The following INPP4B variants were observed in gnomAD, a reference collection of about 807,000 sequenced individuals.
INPP4B encodes the protein inositol polyphosphate 4-phosphatase type II.
In INPP4B, 55 loss-of-function variants were observed where a neutral mutation model predicts 122.5. The ratio of observed to expected loss-of-function variants is 0.45; its 90% CI spans 0.36 to 0.56. The LOEUF (loss-of-function observed/expected upper bound fraction) is 0.56, where lower values mean the gene tolerates loss of function less well. Among genes scored for constraint, INPP4B ranks in the 20% least tolerant of loss-of-function variants. The pLI, the probability that INPP4B is intolerant of heterozygous loss-of-function variation, is 0.00. For missense variants in INPP4B, 1,000 were observed against 1,097.7 expected (o/e 0.91, Z 1.26); for synonymous variants, 403 against 388.7 (o/e 1.04, Z -0.43).
chr4:142,593,743 T>G (rs1738061324), intron 2 of INPP4B, among the ~76,000 whole-genome samples: 2 of 152,126 alleles, frequency 1.3e-5, no homozygotes, highest in Admixed American at 6.6e-5. Flanking sequence ...ATTATTATTA[T>G]CGTTGAATTA....
At chr4:142,394,914 T>A (rs1798883109) in intron 7 of INPP4B, among the ~76,000 whole-genome samples, 1 of 152,222 alleles carries the variant, frequency 6.6e-6, no homozygotes, top group Non-Finnish European at 1.5e-5. Flanking sequence ...CCCCCACATT[T>A]TCTTCTAGTT....
At chr4:142,422,032 C>T (rs972424145) in intron 5 of INPP4B, among the ~76,000 whole-genome samples, 12 of 152,072 alleles carry the variant, frequency 7.9e-5, no homozygotes, top group Admixed American at 2.0e-4. Flanking sequence ...CATTCAGCTT[C>T]TGTAAGATCT....
At chr4:142,054,130 T>TA (rs1327033093) in intron 25 of INPP4B, among the ~76,000 whole-genome samples, 3 of 152,084 alleles carry the variant, frequency 2.0e-5, no homozygotes, top group African/African-American at 7.2e-5. Context: ...ACAGGTCATT[T>TA]AAAAAATTCT....
intron 1 of INPP4B, among the ~76,000 whole-genome samples, chr4:142,792,142 A>G (rs2151067095): frequency 6.6e-6 from 1 of 152,184 alleles, no homozygotes; most frequent in East Asian, 1.9e-4. Context: ...TCCCACAGCT[A>G]CTTGGAAGCC....
In INPP4B at chr4:142,679,681, T is replaced by C. The variant is rs139466591; in HGVS notation, c.-191+46158A>G. Among the ~76,000 whole-genome samples, 798 of 151,854 alleles carry C rather than the reference T, an allele frequency of 5.3e-3. 4 individuals carry two copies. The highest frequency in any genetic ancestry group is 8.1e-3 in the Non-Finnish European group (552 of 67,806). On this transcript the variant is annotated intron_variant, in intron 2 of 25. Coordinates refer to ENST00000262992, the MANE Select transcript of INPP4B (RefSeq NM_001101669.3). ...ACCATCAACACCTCAAACCCATACA[T>C]AGGATTAAGATCTATAAGATGAAAA... is the stretch of plus-strand genomic sequence containing the variant.
chr4:142,097,061 A>G (rs944523591), intron 23 of INPP4B, among the ~76,000 whole-genome samples: 2 of 152,058 alleles, frequency 1.3e-5, no homozygotes, highest in Non-Finnish European at 2.9e-5. Context: ...GTATGTTCCC[A>G]TAATGAAAAA....
At chr4:142,356,021 T>C (rs760231363) in intron 7 of INPP4B, among the ~76,000 whole-genome samples, 2 of 151,686 alleles carry the variant, frequency 1.3e-5, no homozygotes, top group African/African-American at 4.8e-5. Flanking sequence ...ATTAGAACTA[T>C]GTAGTTTTAT....
At chr4:142,390,051 C>A (rs1056978293) in intron 7 of INPP4B, among the ~76,000 whole-genome samples, 4 of 152,060 alleles carry the variant, frequency 2.6e-5, no homozygotes, top group Admixed American at 2.6e-4. Flanking sequence ...AAAAACAAAA[C>A]AGACCTTTCT....
chr4:142,267,963 C>T lies in INPP4B; in HGVS notation c.615+2700G>A, dbSNP rs1013586698. On this transcript the variant is annotated intron_variant, in intron 10 of 25. Coordinates refer to ENST00000262992, the MANE Select transcript of INPP4B (RefSeq NM_001101669.3). ...AAAAAATGCTCATCATTGCTGATTACCAGGAAAATGCAAATTAAAACTACA... is the reference window on the plus strand; with the variant it reads ...AAAAAATGCTCATCATTGCTGATTATCAGGAAAATGCAAATTAAAACTACA... 3.3e-5 allele frequency among the ~76,000 whole-genome samples: 5 copies of T among 151,866 alleles called. No homozygotes were observed. In the East Asian group the frequency reaches 5.8e-4, roughly 18 times the overall value.
chr4:142,696,326 T>C (rs573356973), intron 2 of INPP4B, among the ~76,000 whole-genome samples: 152 of 152,216 alleles, frequency 1.0e-3, no homozygotes, highest in Non-Finnish European at 2.0e-3. Context: ...GAGATCCTCA[T>C]GCAACAACCC....
intron 25 of INPP4B, among the ~76,000 whole-genome samples, chr4:142,080,202 T>C (rs1230930282): frequency 6.6e-6 from 1 of 152,120 alleles, no homozygotes; most frequent in Non-Finnish European, 1.5e-5. Flanking sequence ...GCATATAGCC[T>C]GGATTCAAAT....
intron 7 of INPP4B, among the ~76,000 whole-genome samples, chr4:142,332,742 C>T (rs1380003854): frequency 1.3e-5 from 2 of 151,466 alleles, no homozygotes; most frequent in African/African-American, 4.9e-5. Context: ...CAGTGGCTCA[C>T]GCCTGTAATC....
chr4:142,788,306 T>A (rs1230705894), intron 1 of INPP4B, among the ~76,000 whole-genome samples: 1 of 152,028 alleles, frequency 6.6e-6, no homozygotes, highest in Non-Finnish European at 1.5e-5. Context: ...AGTATAAGAT[T>A]AAAAAATGCT....
At chr4:142,472,266 G>A (rs992042467) in intron 2 of INPP4B, among the ~76,000 whole-genome samples, 1 of 148,938 alleles carries the variant, frequency 6.7e-6, no homozygotes, top group Non-Finnish European at 1.5e-5. Flanking sequence ...AGCATCAAAT[G>A]AAAAAAATGC....
At chr4:142,239,038 C>T (rs537180545) in intron 11 of INPP4B, among the ~76,000 whole-genome samples, 2 of 152,054 alleles carry the variant, frequency 1.3e-5, no homozygotes, top group Non-Finnish European at 2.9e-5. Context: ...CATGGTATGT[C>T]GGCTAGATCT....
chr4:142,465,767 C>A (rs541622217), intron 2 of INPP4B, among the ~76,000 whole-genome samples: 43 of 152,308 alleles, frequency 2.8e-4, no homozygotes, highest in Non-Finnish European at 3.2e-4. Flanking sequence ...GGCTTAGCAA[C>A]ATCCCCTTGG....
intron 2 of INPP4B, among the ~76,000 whole-genome samples, chr4:142,481,630 ACT>A (rs542871007): frequency 2.8e-4 from 43 of 152,100 alleles, no homozygotes; most frequent in African/African-American, 1.0e-3. Context: ...AGTTGTATTA[ACT>A]CTCTTGAAAC....
intron 23 of INPP4B, among the ~76,000 whole-genome samples, chr4:142,100,187 C>T (rs1302216759): frequency 6.6e-6 from 1 of 152,216 alleles, no homozygotes; most frequent in Middle Eastern, 3.4e-3. Flanking sequence ...ATCTTCCAGG[C>T]TAACTTACAC....
chr4:142,086,265 G>A lies in INPP4B; in HGVS notation c.2375-9C>T, dbSNP rs761859105. ...CTGAAAATGTGAAATATCTGAAGGGGAAAAAACAAAGGAGAAAAATAAAAT... is the reference window on the plus strand; with the variant it reads ...CTGAAAATGTGAAATATCTGAAGGGAAAAAAACAAAGGAGAAAAATAAAAT... On this transcript the variant is annotated splice_polypyrimidine_tract_variant and intron_variant, in intron 23 of 25. Transcript: ENST00000262992. 1.3e-5 allele frequency: 19 copies of A among 1,440,216 alleles called. No individual in the cohort carries two copies. Among genetic ancestry groups the A allele is most frequent in the Non-Finnish European group, 1.8e-5 (18 of 1,023,734 alleles). 89.2% of individuals were successfully genotyped at this position (1,440,216 alleles called of 1,614,324 possible).
Sources: gnomAD v4.1 joint callset for allele counts (sites outside exome capture counted in the v4.1 genomes callset) on GRCh38, gnomAD v4.1.1 for gene constraint, MANE v1.5 for transcripts, NCBI Gene and HGNC (gene_info 2026-07-23, HGNC 2026-07-21) for gene names.